CFAP44: variants seen among roughly 807,000 people sequenced by gnomAD.
CFAP44 encodes the protein cilia- and flagella-associated protein 44.
A neutral mutation model predicts 216.2 loss-of-function variants in CFAP44; 134 were observed. The ratio of observed to expected loss-of-function variants is 0.62; its 90% CI spans 0.54 to 0.72. The LOEUF is 0.72. Among genes scored for constraint, CFAP44 ranks in the 30% least tolerant of loss-of-function variants. The probability of loss-of-function intolerance (pLI) is 0.00; values close to 1 mark genes in which losing one functional copy is unlikely to be tolerated. For synonymous variants in CFAP44, 700 were observed against 727.6 expected (o/e 0.96, Z 0.61); for missense variants, 2,035 against 2,182.1 (o/e 0.93, Z 1.34).
chr3:113,416,738 T>A, intron 5 of CFAP44, 111 bp from the exon 6 acceptor site: 1 of 746,434 alleles, frequency 1.3e-6, no homozygotes, highest in Non-Finnish European at 2.1e-6. Flanking sequence ...GGCTTTACTC[T>A]AATAGAAAAC....
intron 21 of CFAP44, 38 bp from the exon 22 acceptor site, chr3:113,358,913 G>A: frequency 3.9e-6 from 6 of 1,519,950 alleles, no homozygotes; most frequent in South Asian, 1.2e-5. Context: ...AATGGGTACT[G>A]TATCAACTCT....
chr3:113,378,042 G>A (rs964090291), intron 17 of CFAP44, among the ~76,000 whole-genome samples: 11 of 152,142 alleles, frequency 7.2e-5, no homozygotes, highest in Admixed American at 7.2e-4. Context: ...TTCTGTTTGT[G>A]TTTTGTTGTT....
chr3:113,306,674 C>T (rs1372026392), intron 29 of CFAP44, among the ~76,000 whole-genome samples: 1 of 152,126 alleles, frequency 6.6e-6, no homozygotes, highest in Non-Finnish European at 1.5e-5. Flanking sequence ...GGTGACATAA[C>T]CAGTACATAA....
At chr3:113,404,313 G>C (rs922041476) in intron 8 of CFAP44, among the ~76,000 whole-genome samples, 2 of 151,970 alleles carry the variant, frequency 1.3e-5, no homozygotes, top group African/African-American at 4.8e-5. Context: ...ACATCTCTTA[G>C]GACAAAAGAC....
chr3:113,417,427 A>G (rs140820257), intron 5 of CFAP44: 3 of 152,208 alleles, frequency 2.0e-5, no homozygotes, highest in Non-Finnish European at 4.4e-5. Context: ...ATTTTTGTCT[A>G]TTGGTAAGCC....
chr3:113,299,891 C>T (rs1949917639), intron 32 of CFAP44, among the ~76,000 whole-genome samples: 1 of 152,076 alleles, frequency 6.6e-6, no homozygotes, highest in Non-Finnish European at 1.5e-5. Flanking sequence ...GTTACCCAGG[C>T]ATGGTGGTGT....
At position 113,341,929 on chromosome 3, in the gene CFAP44, A is replaced by G. The variant is rs1950336773; in HGVS notation, c.3263-11T>C. 1.3e-6 allele frequency: 2 copies of G among 1,496,284 alleles called. No homozygotes were observed. The highest frequency in any genetic ancestry group is 1.8e-6 in the Non-Finnish European group (2 of 1,136,122). The allele number at this position is 1,496,284 out of a possible 1,614,324, so 92.7% of individuals were successfully genotyped here. On this transcript the variant is annotated splice_polypyrimidine_tract_variant and intron_variant, in intron 23 of 34. Coordinates refer to ENST00000393845, the MANE Select transcript of CFAP44 (RefSeq NM_001164496.2). ...TGGTAACACTCCCACCTACATAGAG[A>G]ATCAACATTTTTCAGCCTTTTTGAG... is the stretch of plus-strand genomic sequence containing the variant.
intron 18 of CFAP44, among the ~76,000 whole-genome samples, chr3:113,368,320 A>T (rs1933032782): frequency 1.3e-5 from 2 of 152,202 alleles, no homozygotes; most frequent in Admixed American, 1.3e-4. Flanking sequence ...GAAGGAAAAA[A>T]TTGTAAGAGC....
chr3:113,307,664 A>G (rs779699917), intron 29 of CFAP44, among the ~76,000 whole-genome samples: 1 of 152,204 alleles, frequency 6.6e-6, no homozygotes, highest in African/African-American at 2.4e-5. Flanking sequence ...GTTGAATATT[A>G]TTGAATAAAG....
Position 113,302,457 on chromosome 3 carries a change from T to TAAAAAAAAAAAAAAAAAAAAA in CFAP44, c.5077+1438_5077+1458dup, listed in dbSNP as rs60866565. On this transcript the variant is annotated intron_variant, in intron 32 of 34. Transcript: ENST00000393845. ...GTATCCAAAGATACACTAGACAAAG[T>TAAAAAAAAAAAAAAAAAAAAA]AAAAAAAAAAAAAAAAAAAAAAAGA... 1.6e-3 allele frequency among the ~76,000 whole-genome samples: 124 copies of TAAAAAAAAAAAAAAAAAAAAA among 75,780 alleles called. 4 individuals carry two copies. Among genetic ancestry groups the TAAAAAAAAAAAAAAAAAAAAA allele is most frequent in the African/African-American group, 2.5e-3 (59 of 23,220 alleles). 49.7% of individuals were successfully genotyped at this position (75,780 alleles called of 152,430 possible). A position where few individuals can be genotyped will look rare whatever the true frequency, so the allele number is the denominator to read the frequency against.
At chr3:113,383,760 A>T (rs1034392783) in intron 15 of CFAP44, among the ~76,000 whole-genome samples, 1 of 152,154 alleles carries the variant, frequency 6.6e-6, no homozygotes, top group African/African-American at 2.4e-5. Context: ...ACCTTTTTTA[A>T]AAAATTATAC....
chr3:113,409,473 T>C, intron 6 of CFAP44, 151 bp from the exon 7 acceptor site: 1 of 693,898 alleles, frequency 1.4e-6, no homozygotes, highest in South Asian at 1.9e-5. Flanking sequence ...TTCTCCATCT[T>C]TGGCTTTAGA....
chr3:113,343,893 C>T (rs898542517), intron 23 of CFAP44, among the ~76,000 whole-genome samples: 3 of 152,176 alleles, frequency 2.0e-5, no homozygotes, highest in Admixed American at 2.0e-4. Context: ...TAGATCTAGC[C>T]AGGCTGCAGC....
intron 19 of CFAP44, among the ~76,000 whole-genome samples, chr3:113,364,762 T>C (rs570213662): frequency 3.3e-5 from 5 of 152,236 alleles, no homozygotes; most frequent in African/African-American, 1.2e-4. Context: ...AAGGATAGTG[T>C]ATACAATACT....
intron 28 of CFAP44, 57 bp downstream of exon 28, chr3:113,326,388 T>C: frequency 7.1e-7 from 1 of 1,408,584 alleles, no homozygotes; most frequent in Non-Finnish European, 9.2e-7. Flanking sequence ...CTTAGTTACC[T>C]CTCTATTTCA....
At chr3:113,364,707 A>G (rs1464194646) in intron 19 of CFAP44, among the ~76,000 whole-genome samples, 1 of 152,148 alleles carries the variant, frequency 6.6e-6, no homozygotes, top group Non-Finnish European at 1.5e-5. Context: ...GTTCCAAAAT[A>G]TATGCCAATG....
chr3:113,401,854 A>G (rs1934151985), intron 9 of CFAP44, 115 bp from the exon 10 acceptor site: 1 of 1,161,234 alleles, frequency 8.6e-7, no homozygotes, highest in South Asian at 1.7e-5. Context: ...CTTTCATGAA[A>G]AGTAACAATG....
chr3:113,352,787 A>G (rs1950457150), intron 22 of CFAP44, among the ~76,000 whole-genome samples: 1 of 152,360 alleles, frequency 6.6e-6, no homozygotes, highest in Non-Finnish European at 1.5e-5. Context: ...AACCCCACCA[A>G]TAATAAAAAG....
Position 113,288,232 on chromosome 3 carries a change from G to C in CFAP44, c.*3325C>G, listed in dbSNP as rs1224391866. On this transcript the variant is annotated 3_prime_UTR_variant, in exon 35 of 35. Transcript: ENST00000393845. ...GTCCTAGGGAAGAGTCACTCTGACTGTTTAGGGCAAGTGCATCCTCTGCTG... is the reference window on the plus strand; with the variant it reads ...GTCCTAGGGAAGAGTCACTCTGACTCTTTAGGGCAAGTGCATCCTCTGCTG... 6.6e-6 allele frequency: 1 copy of C among 152,178 alleles called. No individual in the cohort carries two copies. Among genetic ancestry groups the C allele is most frequent in the Non-Finnish European group, 1.5e-5 (1 of 68,038 alleles). 9.4% of individuals were successfully genotyped at this position (152,178 alleles called of 1,614,324 possible). A position where few individuals can be genotyped will look rare whatever the true frequency, so the allele number is the denominator to read the frequency against.
Sources: gnomAD v4.1 joint callset for allele counts (sites outside exome capture counted in the v4.1 genomes callset) on GRCh38, gnomAD v4.1.1 for gene constraint, MANE v1.5 for transcripts, NCBI Gene and HGNC (gene_info 2026-07-23, HGNC 2026-07-21) for gene names.